Variants in MYO5B observed in about 807,000 individuals in gnomAD.
MYO5B encodes the protein myosin VB, also known as unconventional myosin-Vb.
A neutral mutation model predicts 229.3 loss-of-function variants in MYO5B; 143 were observed. The ratio of observed to expected loss-of-function variants is 0.62; its 90% CI spans 0.54 to 0.72. The LOEUF is 0.72. Ranked by LOEUF, MYO5B falls within the 30% of genes least tolerant of loss-of-function variation. The pLI is 0.00. For missense variants in MYO5B, 2,321 were observed against 2,331.0 expected, an observed-to-expected ratio of 1.00 and a Z score of 0.09; for synonymous variants, 918 against 885.2, an observed-to-expected ratio of 1.04 and a Z score of -0.66.
chr18:50,183,818 ATG>A (rs2033110514), intron 1 of MYO5B, among the ~76,000 whole-genome samples: 1 of 152,028 alleles, frequency 6.6e-6, no homozygotes, highest in Admixed American at 6.6e-5. Context: ...TGCTGTTCTC[ATG>A]GTAGTGAGTT....
chr18:50,176,794 T>C (rs534606167), intron 1 of MYO5B, among the ~76,000 whole-genome samples: 1 of 152,348 alleles, frequency 6.6e-6, no homozygotes, highest in African/African-American at 2.4e-5. Context: ...ACTATCCTTT[T>C]CTAAAGGCTG....
Position 50,126,406 on chromosome 18 carries a change from C to T in MYO5B, c.27+68361G>A, listed in dbSNP as rs148460707. 1.9e-3 allele frequency: 298 copies of T among 154,878 alleles called. 3 individuals carry two copies. Among genetic ancestry groups the T allele is most frequent in the Non-Finnish European group, 1.2e-3 (81 of 68,236 alleles). 9.6% of individuals were successfully genotyped at this position (154,878 alleles called of 1,614,324 possible). A position where few individuals can be genotyped will look rare whatever the true frequency, so the allele number is the denominator to read the frequency against. On this transcript the variant is annotated intron_variant, in intron 1 of 39. Coordinates refer to ENST00000285039, the MANE Select transcript of MYO5B (RefSeq NM_001080467.3). ...CATTCCACTGGGGAGACACATCAAC[C>T]ATCTTTTAATTCAATTAAGGCAGAG...
intron 1 of MYO5B, among the ~76,000 whole-genome samples, chr18:50,142,991 G>C (rs2032440861): frequency 6.6e-6 from 1 of 152,246 alleles, no homozygotes; most frequent in African/African-American, 2.4e-5. Flanking sequence ...AGTTCACTGT[G>C]AGCTGAACCA....
At chr18:50,082,308 A>G (rs940263795) in intron 1 of MYO5B, among the ~76,000 whole-genome samples, 13 of 152,244 alleles carry the variant, frequency 8.5e-5, no homozygotes, top group Non-Finnish European at 1.3e-4. Flanking sequence ...TACTATGAAT[A>G]TTATAAGCTC....
intron 1 of MYO5B, among the ~76,000 whole-genome samples, chr18:50,087,551 T>G: frequency 7.4e-6 from 1 of 136,034 alleles, no homozygotes; most frequent in Non-Finnish European, 1.5e-5. Context: ...CTAGCCTGGG[T>G]GACAGAGGAA....
chr18:49,839,023 C>A, intron 36 of MYO5B, 121 bp downstream of exon 36: 1 of 1,258,108 alleles, frequency 7.9e-7, no homozygotes, highest in South Asian at 1.2e-5. Flanking sequence ...CTGGAAGGTT[C>A]TGGCTTTCTG....
chr18:49,984,594 G>T, intron 8 of MYO5B, 124 bp downstream of exon 8: 1 of 767,246 alleles, frequency 1.3e-6, no homozygotes, highest in Non-Finnish European at 2.3e-6. Flanking sequence ...TTCACCAGGG[G>T]CAAGAGGGCA....
intron 12 of MYO5B, among the ~76,000 whole-genome samples, chr18:49,954,679 T>C (rs1167785492): frequency 2.6e-5 from 4 of 152,284 alleles, no homozygotes; most frequent in African/African-American, 9.6e-5. Context: ...AGCCTGCTGG[T>C]TGGCAGACAC....
At chr18:49,981,206 C>A (rs768237829) in intron 8 of MYO5B, among the ~76,000 whole-genome samples, 3 of 152,212 alleles carry the variant, frequency 2.0e-5, no homozygotes, top group Non-Finnish European at 4.4e-5. Flanking sequence ...TGGATAATCT[C>A]TTAATTTGTA....
At chr18:49,929,455 C>A in intron 17 of MYO5B, 57 bp downstream of exon 17, 1 of 1,476,406 alleles carries the variant, frequency 6.8e-7, no homozygotes, top group South Asian at 1.2e-5. Context: ...CCTGGGGAAC[C>A]AAACTCTGGC....
intron 15 of MYO5B, 111 bp from the exon 16 acceptor site, chr18:49,936,460 C>G (rs2025251598): frequency 1.2e-6 from 1 of 840,612 alleles, no homozygotes; most frequent in African/African-American, 1.7e-5. Flanking sequence ...TATTATTAAT[C>G]CAGAAGGATG....
In MYO5B at chr18:50,169,910, G is replaced by A. The variant is rs2032902447; in HGVS notation, c.27+24857C>T. Among the ~76,000 whole-genome samples, 3 of 126,436 alleles carry A rather than the reference G, an allele frequency of 2.4e-5. 1 individual carries two copies. Among genetic ancestry groups the A allele is most frequent in the South Asian group, 5.6e-4 (2 of 3,540 alleles). The allele number at this position is 126,436 out of a possible 152,430, so 82.9% of individuals were successfully genotyped here. ...TTAGCAGGACAATGAGATAGGAGCC[G>A]TGGACCTGCCACACGGGCCCCAGAC... is the stretch of plus-strand genomic sequence containing the variant. On this transcript the variant is annotated intron_variant, in intron 1 of 39. Transcript: ENST00000285039.
chr18:50,150,262 G>A (rs946748698), intron 1 of MYO5B, among the ~76,000 whole-genome samples: 1 of 144,604 alleles, frequency 6.9e-6, no homozygotes, highest in African/African-American at 2.5e-5. Context: ...AACCATTGTG[G>A]AAGTCAGTGT....
chr18:49,938,378 T>C (rs376768723), intron 14 of MYO5B, among the ~76,000 whole-genome samples: 1 of 152,074 alleles, frequency 6.6e-6, no homozygotes, highest in Non-Finnish European at 1.5e-5. Context: ...TCATCATCCC[T>C]TGGGGAAGTC....
At chr18:50,082,221 C>T (rs946858810) in intron 1 of MYO5B, among the ~76,000 whole-genome samples, 6 of 152,158 alleles carry the variant, frequency 3.9e-5, no homozygotes, top group African/African-American at 1.4e-4. Flanking sequence ...AAGTGCCAGA[C>T]ATAAGTCCTC....
intron 17 of MYO5B, among the ~76,000 whole-genome samples, chr18:49,922,103 C>T (rs1178857751): frequency 6.6e-6 from 1 of 152,184 alleles, no homozygotes; most frequent in Admixed American, 6.5e-5. Flanking sequence ...CCCTCTGGTC[C>T]TATGAAGGTC....
chr18:49,925,551 C>T (rs1218509604), intron 17 of MYO5B, among the ~76,000 whole-genome samples: 1 of 152,190 alleles, frequency 6.6e-6, no homozygotes, highest in African/African-American at 2.4e-5. Context: ...ATTGACACAA[C>T]CCATTGAATT....
intron 20 of MYO5B, 45 bp downstream of exon 20, chr18:49,904,627 T>G (rs749868710): frequency 6.2e-7 from 1 of 1,613,278 alleles, no homozygotes; most frequent in Non-Finnish European, 8.5e-7. Flanking sequence ...GTTGCCACTT[T>G]AGTTCTGAAT....
chr18:49,923,545 C>T (rs760642464), intron 17 of MYO5B, among the ~76,000 whole-genome samples: 2 of 152,140 alleles, frequency 1.3e-5, no homozygotes, highest in South Asian at 2.1e-4. Context: ...GAAGTGTGGG[C>T]GACACACACT....
Sources: gnomAD v4.1 joint callset for allele counts (sites outside exome capture counted in the v4.1 genomes callset) on GRCh38, gnomAD v4.1.1 for gene constraint, MANE v1.5 for transcripts, NCBI Gene and HGNC (gene_info 2026-07-23, HGNC 2026-07-21) for gene names.